CACNA2D1: variants seen among roughly 807,000 people sequenced by gnomAD.
CACNA2D1 encodes calcium voltage-gated channel auxiliary subunit alpha2delta 1, also known as voltage-dependent calcium channel subunit alpha-2/delta-1.
Under a neutral mutation model 171.5 loss-of-function variants are expected in CACNA2D1, and 53 were observed. The observed-to-expected ratio is 0.31, with a 90% confidence interval of 0.25 to 0.39. The LOEUF is 0.39. CACNA2D1 is among the 10% of genes least tolerant of loss of function. The pLI, the probability that CACNA2D1 is intolerant of heterozygous loss-of-function variation, is 1.00. For missense variants in CACNA2D1, 903 were observed against 1,299.8 expected, an observed-to-expected ratio of 0.69 and a Z score of 4.69; for synonymous variants, 442 against 443.1, an observed-to-expected ratio of 1.00 and a Z score of 0.03.
At chr7:82,377,057 A>C (rs1823096733) in intron 1 of CACNA2D1, among the ~76,000 whole-genome samples, 1 of 152,180 alleles carries the variant, frequency 6.6e-6, no homozygotes, top group Non-Finnish European at 1.5e-5. Flanking sequence ...ATCATGTTAA[A>C]GGCACAAAAA....
chr7:82,332,508 TATAAAGAA>T (rs1817435712), intron 3 of CACNA2D1, among the ~76,000 whole-genome samples: 1 of 34,602 alleles, frequency 2.9e-5, no homozygotes, highest in African/African-American at 7.5e-5. Flanking sequence ...AAAAAAGAAA[TATAAAGAA>T]AGAAAGAAAG....
intron 3 of CACNA2D1, among the ~76,000 whole-genome samples, chr7:82,211,271 G>A (rs1282523047): frequency 1.3e-5 from 2 of 152,052 alleles, no homozygotes; most frequent in South Asian, 2.1e-4. Context: ...TAAATTACAT[G>A]TTGCGGGGGT....
At chr7:82,331,214 T>C (rs936585286) in intron 3 of CACNA2D1, among the ~76,000 whole-genome samples, 38 of 152,174 alleles carry the variant, frequency 2.5e-4, no homozygotes, top group African/African-American at 8.7e-4. Context: ...TAGATAATGC[T>C]ACTTAGTAAC....
intron 1 of CACNA2D1, among the ~76,000 whole-genome samples, chr7:82,427,652 T>A (rs150774627): frequency 3.9e-5 from 6 of 152,184 alleles, no homozygotes; most frequent in Non-Finnish European, 7.4e-5. Context: ...AATGGGAAGG[T>A]TGACTTGTTC....
At chr7:82,139,997 T>G (rs258712) in intron 4 of CACNA2D1, among the ~76,000 whole-genome samples, 16,100 of 150,850 alleles carry the variant, frequency 0.11, 1,088 homozygotes, top group Middle Eastern at 0.24. Context: ...CATTATGTTG[T>G]TCAGGCTGGT....
chr7:82,074,377 G>A (rs1019155219), intron 7 of CACNA2D1, among the ~76,000 whole-genome samples: 8 of 151,950 alleles, frequency 5.3e-5, no homozygotes, highest in South Asian at 2.1e-4. Flanking sequence ...ACAGGTGCCC[G>A]CCATTACGCC....
intron 10 of CACNA2D1, among the ~76,000 whole-genome samples, chr7:82,054,144 T>A (rs911879070): frequency 6.6e-6 from 1 of 152,196 alleles, no homozygotes; most frequent in Non-Finnish European, 1.5e-5. Flanking sequence ...CTTTAGGAAA[T>A]AAATGTTAGT....
At chr7:81,972,144 A>G (rs1392652873) in intron 25 of CACNA2D1, among the ~76,000 whole-genome samples, 2 of 151,634 alleles carry the variant, frequency 1.3e-5, no homozygotes, top group African/African-American at 4.8e-5. Context: ...AAGAAACAGG[A>G]AATAGTCCTT....
Position 82,436,824 on chromosome 7 carries a change from G to A in CACNA2D1, c.95+6541C>T, listed in dbSNP as rs1830149262. Among the ~76,000 whole-genome samples, 3 of 152,100 alleles carry A rather than the reference G, an allele frequency of 2.0e-5. 1 individual carries two copies. The highest frequency in any genetic ancestry group is 4.2e-4 in the South Asian group (2 of 4,816). Reference sequence around the variant, plus strand: ...TTTATTTCATTGCACCATCCCTCTTGTAACTCTCAAAATATGGCATTATTA... The same window carrying A: ...TTTATTTCATTGCACCATCCCTCTTATAACTCTCAAAATATGGCATTATTA... On this transcript the variant is annotated intron_variant, in intron 1 of 38. Transcript: ENST00000356860.
chr7:82,196,224 T>C (rs914334191), intron 3 of CACNA2D1, among the ~76,000 whole-genome samples: 1 of 152,114 alleles, frequency 6.6e-6, no homozygotes, highest in African/African-American at 2.4e-5. Flanking sequence ...CTAATAACTC[T>C]CTTTAAAGTA....
intron 3 of CACNA2D1, among the ~76,000 whole-genome samples, chr7:82,230,845 A>G (rs1372764601): frequency 6.6e-6 from 1 of 152,214 alleles, no homozygotes; most frequent in Admixed American, 6.5e-5. Flanking sequence ...TGTGTAATAT[A>G]AAAAGAGAAA....
At chr7:82,003,006 T>TATGTA (rs1256273915) in intron 18 of CACNA2D1, among the ~76,000 whole-genome samples, 6 of 152,164 alleles carry the variant, frequency 3.9e-5, no homozygotes, top group Non-Finnish European at 8.8e-5. Flanking sequence ...ATAATTAAGA[T>TATGTA]TTTGTTAGTA....
intron 3 of CACNA2D1, among the ~76,000 whole-genome samples, chr7:82,257,941 A>C (rs1246623630): frequency 1.3e-5 from 2 of 152,244 alleles, no homozygotes; most frequent in Non-Finnish European, 2.9e-5. Flanking sequence ...GGCAGGAGTC[A>C]GTAACGTGGA....
chr7:82,412,728 T>G (rs971341168), intron 1 of CACNA2D1, among the ~76,000 whole-genome samples: 1 of 151,912 alleles, frequency 6.6e-6, no homozygotes, highest in Non-Finnish European at 1.5e-5. Context: ...AATATCACGA[T>G]CTGATCAGAA....
intron 4 of CACNA2D1, among the ~76,000 whole-genome samples, chr7:82,168,470 A>C (rs191965599): frequency 3.9e-5 from 6 of 152,226 alleles, no homozygotes; most frequent in Admixed American, 3.3e-4. Context: ...GAAATAACTA[A>C]AATAAATAGA....
At chr7:82,385,482 A>G (rs1353280019) in intron 1 of CACNA2D1, among the ~76,000 whole-genome samples, 1 of 152,204 alleles carries the variant, frequency 6.6e-6, no homozygotes, top group South Asian at 2.1e-4. Flanking sequence ...ATGTGGTACA[A>G]TATGGGTTAA....
At chr7:82,390,917 T>C (rs563713793) in intron 1 of CACNA2D1, among the ~76,000 whole-genome samples, 2 of 152,324 alleles carry the variant, frequency 1.3e-5, no homozygotes, top group Non-Finnish European at 2.9e-5. Flanking sequence ...CTAAGGGTAG[T>C]TTTATTTAAG....
intron 4 of CACNA2D1, 46 bp from the exon 5 acceptor site, chr7:82,136,722 C>T (rs1791665765): frequency 3.9e-6 from 5 of 1,274,464 alleles, no homozygotes; most frequent in Non-Finnish European, 4.4e-6. Flanking sequence ...AAAAACAATA[C>T]TGTATCAAAT....
chr7:82,032,469 A>G (rs865975782), intron 12 of CACNA2D1, among the ~76,000 whole-genome samples: 1 of 151,704 alleles, frequency 6.6e-6, no homozygotes, highest in Non-Finnish European at 1.5e-5. Flanking sequence ...TAAACCTTAA[A>G]GTTTAAAATT....
Sources: allele counts gnomAD v4.1 joint callset (sites outside exome capture counted in the v4.1 genomes callset), GRCh38; gene constraint gnomAD v4.1.1; transcripts MANE v1.5; gene names NCBI Gene and HGNC (gene_info 2026-07-23, HGNC 2026-07-21).